Variants in PLXNA4 observed in about 807,000 individuals in gnomAD.
PLXNA4 encodes the protein plexin A4, also known as plexin-A4.
Under a neutral mutation model 191.8 loss-of-function variants are expected in PLXNA4, and 44 were observed. The observed-to-expected ratio is 0.23, with a 90% CI of 0.18 to 0.29. PLXNA4 has a LOEUF of 0.29. PLXNA4 is among the 10% of genes least tolerant of loss of function. PLXNA4 has a pLI of 1.00. For synonymous variants in PLXNA4, 1,082 were observed against 1,009.5 expected (o/e 1.07, Z -1.36); for missense variants, 1,800 against 2,488.8 (o/e 0.72, Z 5.89).
At chr7:132,151,092 G>T (rs999561745) in intron 25 of PLXNA4, among the ~76,000 whole-genome samples, 4 of 152,112 alleles carry the variant, frequency 2.6e-5, no homozygotes, top group Non-Finnish European at 5.9e-5. Context: ...CTTGCTTTTA[G>T]ATCTCTCAAG....
chr7:132,539,375 G>A (rs1799976398), intron 1 of PLXNA4, among the ~76,000 whole-genome samples: 1 of 152,214 alleles, frequency 6.6e-6, no homozygotes, highest in Non-Finnish European at 1.5e-5. Flanking sequence ...GAGGGCTCCA[G>A]TCAGTGGTTC....
intron 23 of PLXNA4, 141 bp downstream of exon 23, chr7:132,164,993 T>C (rs1796080151): frequency 1.5e-6 from 2 of 1,294,058 alleles, no homozygotes; most frequent in South Asian, 1.6e-5. Flanking sequence ...AGACAGTCCA[T>C]GATAAGGATG....
chr7:132,353,802 G>A (rs547569363), intron 3 of PLXNA4, among the ~76,000 whole-genome samples: 1 of 152,296 alleles, frequency 6.6e-6, no homozygotes, highest in Non-Finnish European at 1.5e-5. Context: ...TGGGGGGCAA[G>A]CAGTATCTTG....
intron 25 of PLXNA4, among the ~76,000 whole-genome samples, chr7:132,155,742 G>C (rs975390380): frequency 1.3e-5 from 2 of 152,204 alleles, no homozygotes; most frequent in African/African-American, 4.8e-5. Flanking sequence ...GGTGGGCCCT[G>C]CGGTTTCTGG....
chr7:132,248,398 T>C (rs915779288), intron 4 of PLXNA4, among the ~76,000 whole-genome samples: 16 of 152,156 alleles, frequency 1.1e-4, no homozygotes, highest in Admixed American at 1.0e-3. Flanking sequence ...TTTGGGCTGG[T>C]TTGTTACAAA....
At chr7:132,594,957 AGATAGAT>A (rs1802674806) in intron 2 of PLXNA4, among the ~76,000 whole-genome samples, 1 of 115,552 alleles carries the variant, frequency 8.7e-6, no homozygotes, top group East Asian at 2.6e-4. Context: ...ATAGATAGAT[AGATAGAT>A]AATTGATAGA....
intron 29 of PLXNA4, among the ~76,000 whole-genome samples, chr7:132,141,039 A>G (rs1185044888): frequency 1.3e-5 from 2 of 152,218 alleles, no homozygotes; most frequent in African/African-American, 2.4e-5. Context: ...TAATTCATCC[A>G]GAGATATAAT....
intron 5 of PLXNA4, among the ~76,000 whole-genome samples, chr7:132,238,350 G>T (rs1798771236): frequency 6.6e-6 from 1 of 152,164 alleles, no homozygotes; most frequent in South Asian, 2.1e-4. Context: ...CTAACTCCGT[G>T]TTCCAGCGAC....
intron 30 of PLXNA4, among the ~76,000 whole-genome samples, chr7:132,135,984 T>A (rs959759971): frequency 6.6e-6 from 1 of 152,068 alleles, no homozygotes; most frequent in African/African-American, 2.4e-5. Flanking sequence ...GACAGCCCAG[T>A]GTCTGTGGGT....
chr7:132,256,942 A>T (rs935918931), intron 4 of PLXNA4, among the ~76,000 whole-genome samples: 1 of 152,214 alleles, frequency 6.6e-6, no homozygotes, highest in African/African-American at 2.4e-5. Context: ...TTCCCCATTC[A>T]TAAGCAATTT....
chr7:132,157,712 G>A (rs1266555298), intron 25 of PLXNA4, among the ~76,000 whole-genome samples: 1 of 152,154 alleles, frequency 6.6e-6, no homozygotes, highest in African/African-American at 2.4e-5. Flanking sequence ...AGCTGAAGGT[G>A]CCCCCTGCTA....
intron 3 of PLXNA4, among the ~76,000 whole-genome samples, chr7:132,321,122 C>T (rs1277165720): frequency 2.0e-5 from 3 of 152,216 alleles, no homozygotes; most frequent in Admixed American, 6.5e-5. Context: ...CCGGCTGCCT[C>T]TCCTCACCTG....
intron 3 of PLXNA4, among the ~76,000 whole-genome samples, chr7:132,343,085 A>C (rs1325459322): frequency 6.6e-6 from 1 of 152,166 alleles, no homozygotes; most frequent in Non-Finnish European, 1.5e-5. Context: ...TCTAGTACTG[A>C]AGATCAATTC....
intron 2 of PLXNA4, among the ~76,000 whole-genome samples, chr7:132,495,607 C>T (rs1323972009): frequency 6.6e-6 from 1 of 152,140 alleles, no homozygotes; most frequent in East Asian, 1.9e-4. Flanking sequence ...CTCCTGTGGT[C>T]CAGGAGAGAG....
Position 132,283,340 on chromosome 7 carries a change from T to C in PLXNA4, c.1503+14751A>G, listed in dbSNP as rs141988733. Among the ~76,000 whole-genome samples, 26 of 152,316 alleles carry C rather than the reference T, an allele frequency of 1.7e-4. No homozygotes were observed. In the East Asian group the frequency reaches 3.3e-3, roughly 19 times the overall value. ...CTTTTAATAATAGTAATAAAATGTG[T>C]GCCTTTTGGAAAAGAACAGTGAATT... On this transcript the variant is annotated intron_variant, in intron 4 of 31. Transcript: ENST00000321063.
intron 3 of PLXNA4, among the ~76,000 whole-genome samples, chr7:132,461,071 C>CT (rs957812497): frequency 2.0e-5 from 3 of 152,296 alleles, no homozygotes; most frequent in Non-Finnish European, 2.9e-5. Context: ...TTCAAGAGGA[C>CT]TTTTTTCTGA....
chr7:132,487,336 G>A (rs181304140), intron 3 of PLXNA4, among the ~76,000 whole-genome samples: 9 of 152,218 alleles, frequency 5.9e-5, no homozygotes, highest in African/African-American at 2.2e-4. Flanking sequence ...TGAGCTCACC[G>A]GAGAAAAGAG....
rs1585219989 is a variant in PLXNA4, at chr7:132,494,445, T to A, written c.1189-4971A>T. Among the ~76,000 whole-genome samples the A allele has an allele frequency of 2.0e-5, 3 of 152,140 alleles. No individual in the cohort carries two copies. In the East Asian group the frequency reaches 5.8e-4, roughly 29 times the overall value. On this transcript the variant is annotated intron_variant, in intron 2 of 31. Transcript: ENST00000321063. ...AAGGTTTGAGAAGCACTGGCCTGGA[T>A]CACCATGGAGGGCCCTTCCTAGCTG...
chr7:132,193,925 G>A, intron 14 of PLXNA4, 137 bp downstream of exon 14: 2 of 1,098,256 alleles, frequency 1.8e-6, no homozygotes, highest in Non-Finnish European at 2.6e-6. Context: ...TATAAGACAG[G>A]AGTCTCATGA....
Sources: allele counts gnomAD v4.1 joint callset (sites outside exome capture counted in the v4.1 genomes callset), GRCh38; gene constraint gnomAD v4.1.1; transcripts MANE v1.5; gene names NCBI Gene and HGNC (gene_info 2026-07-23, HGNC 2026-07-21).